The following ADGRL2 variants were observed in gnomAD, a reference collection of about 807,000 sequenced individuals.
ADGRL2 encodes calcium-independent alpha-latrotoxin receptor 2.
A neutral mutation model predicts 157.4 loss-of-function variants in ADGRL2; 44 were observed. The ratio of observed to expected loss-of-function variants is 0.28; its 90% CI spans 0.22 to 0.36. The LOEUF (loss-of-function observed/expected upper bound fraction) is 0.36, where lower values mean the gene tolerates loss of function less well. ADGRL2 is among the 10% of genes least tolerant of loss of function. The pLI is 1.00. For synonymous variants in ADGRL2, 585 were observed against 624.7 expected (o/e 0.94, Z 0.95); for missense variants, 1,510 against 1,768.9 (o/e 0.85, Z 2.63).
At chr1:81,598,518 T>C (rs1167309389) in intron 3 of ADGRL2, among the ~76,000 whole-genome samples, 1 of 152,250 alleles carries the variant, frequency 6.6e-6, no homozygotes, top group Non-Finnish European at 1.5e-5. Context: ...TATGGACCTT[T>C]ACATAGCAAA....
intron 1 of ADGRL2, among the ~76,000 whole-genome samples, chr1:81,379,422 T>A (rs1029655489): frequency 1.3e-5 from 2 of 152,166 alleles, no homozygotes; most frequent in African/African-American, 4.8e-5. Flanking sequence ...CCCTTCCTTA[T>A]CACAAGGAGA....
chr1:81,324,265 A>T (rs1220065729), intron 1 of ADGRL2, among the ~76,000 whole-genome samples: 1 of 152,026 alleles, frequency 6.6e-6, no homozygotes, highest in East Asian at 1.9e-4. Flanking sequence ...GCATTTTGGG[A>T]GGCCAAGGCA....
At chr1:81,613,992 C>A (rs1218277691) in intron 3 of ADGRL2, among the ~76,000 whole-genome samples, 3 of 152,076 alleles carry the variant, frequency 2.0e-5, no homozygotes, top group African/African-American at 7.2e-5. Context: ...AATGTGTTTT[C>A]CCCCTCTTCC....
At chr1:81,989,570 G>A in intron 23 of ADGRL2, 1 of 999,976 alleles carries the variant, frequency 1.0e-6, no homozygotes, top group South Asian at 1.6e-5. Flanking sequence ...CTAATTTGTT[G>A]AACCCTTGCT....
chr1:81,914,420 C>T (rs2094807967), intron 3 of ADGRL2, among the ~76,000 whole-genome samples: 1 of 151,836 alleles, frequency 6.6e-6, no homozygotes, highest in Non-Finnish European at 1.5e-5. Context: ...TATTTTATTC[C>T]TGAATTATTA....
At chr1:81,508,027 T>G (rs953931018) in intron 2 of ADGRL2, among the ~76,000 whole-genome samples, 2 of 152,250 alleles carry the variant, frequency 1.3e-5, no homozygotes, top group African/African-American at 4.8e-5. Context: ...TATTTGCTAT[T>G]TAACATTATT....
chr1:81,806,964 A>T (rs1224273191), intron 1 of ADGRL2, among the ~76,000 whole-genome samples: 1 of 151,928 alleles, frequency 6.6e-6, no homozygotes, highest in Non-Finnish European at 1.5e-5. Flanking sequence ...TGCGCATTTG[A>T]TGTCTGTCTG....
intron 2 of ADGRL2, among the ~76,000 whole-genome samples, chr1:81,445,712 G>T (rs996296604): frequency 8.5e-5 from 13 of 152,120 alleles, no homozygotes; most frequent in African/African-American, 3.1e-4. Flanking sequence ...ATAGCAAAAT[G>T]ATTAAAAGCC....
chr1:81,958,806 C>T (rs1158773067), intron 11 of ADGRL2, among the ~76,000 whole-genome samples: 2 of 152,122 alleles, frequency 1.3e-5, no homozygotes, highest in Admixed American at 6.6e-5. Flanking sequence ...GCCCTAAAAA[C>T]ATCAGAAACC....
chr1:81,473,456 A>C (rs1407014329), intron 2 of ADGRL2, among the ~76,000 whole-genome samples: 1 of 152,234 alleles, frequency 6.6e-6, no homozygotes, highest in East Asian at 1.9e-4. Context: ...TACTTGTTGC[A>C]TGTTGAAATA....
At chr1:81,832,214 T>G (rs35520599) in intron 1 of ADGRL2, among the ~76,000 whole-genome samples, 1 of 152,136 alleles carries the variant, frequency 6.6e-6, no homozygotes, top group Non-Finnish European at 1.5e-5. Flanking sequence ...CGATCTCGGC[T>G]CACTGCAACC....
At chr1:81,573,762 T>A (rs2080742549) in intron 2 of ADGRL2, among the ~76,000 whole-genome samples, 2 of 152,170 alleles carry the variant, frequency 1.3e-5, no homozygotes, top group Admixed American at 1.3e-4. Flanking sequence ...ATTTGACTTG[T>A]GCAGTATTTG....
chr1:81,900,981 GA>G lies in ADGRL2; in HGVS notation c.74-6035del, dbSNP rs1572008037. 3.9e-5 allele frequency among the ~76,000 whole-genome samples: 6 copies of G among 152,200 alleles called. No individual in the cohort carries two copies. The East Asian group carries it at 1.2e-3, about 29-fold the overall frequency. On this transcript the variant is annotated intron_variant, in intron 2 of 23. Transcript: ENST00000686636. The stretch of plus-strand genomic sequence containing the variant: ...AAAGGTATAAGCAGCCACACACTGT[GA>G]GGGCAGAGATTCTGCATATTAAATA...
intron 1 of ADGRL2, among the ~76,000 whole-genome samples, chr1:81,740,457 A>T (rs1043207528): frequency 6.6e-5 from 10 of 152,080 alleles, no homozygotes; most frequent in African/African-American, 2.4e-4. Flanking sequence ...CCATTTTTTT[A>T]CTTTTTGTTA....
intron 1 of ADGRL2, among the ~76,000 whole-genome samples, chr1:81,386,238 T>C (rs1170157455): frequency 2.6e-5 from 4 of 152,160 alleles, no homozygotes; most frequent in African/African-American, 9.7e-5. Flanking sequence ...CAGTCTCTTT[T>C]ATAAAGGACC....
intron 2 of ADGRL2, among the ~76,000 whole-genome samples, chr1:81,789,636 G>C (rs113313091): frequency 0.032 from 4,453 of 141,180 alleles, 101 homozygotes; most frequent in African/African-American, 0.063. Flanking sequence ...TGAGGCAGGA[G>C]AACTGCTTGA....
At chr1:81,857,544 G>A (rs953536524) in intron 2 of ADGRL2, among the ~76,000 whole-genome samples, 5 of 152,082 alleles carry the variant, frequency 3.3e-5, no homozygotes, top group Non-Finnish European at 7.4e-5. Context: ...TTGGCATTGC[G>A]TAGTCACCTC....
At chr1:81,896,481 G>A (rs759799104) in intron 2 of ADGRL2, among the ~76,000 whole-genome samples, 8 of 151,936 alleles carry the variant, frequency 5.3e-5, no homozygotes, top group Non-Finnish European at 5.9e-5. Flanking sequence ...TCTTTGTCCT[G>A]TTTGTATTCT....
At chr1:81,474,333 G>T (rs763151316) in intron 2 of ADGRL2, among the ~76,000 whole-genome samples, 2 of 152,128 alleles carry the variant, frequency 1.3e-5, no homozygotes, top group Non-Finnish European at 2.9e-5. Flanking sequence ...CTTTTGTGTT[G>T]TTTTGTTTCC....
Sources: allele counts gnomAD v4.1 joint callset (sites outside exome capture counted in the v4.1 genomes callset), GRCh38; gene constraint gnomAD v4.1.1; transcripts MANE v1.5; gene names NCBI Gene and HGNC (gene_info 2026-07-23, HGNC 2026-07-21).